Variants in COL23A1 observed in about 807,000 individuals in gnomAD.
The protein encoded by COL23A1 is collagen alpha-1(XXIII) chain.
COL23A1 carries 97 observed loss-of-function variants against 99.3 expected under a neutral mutation model. The observed-to-expected ratio is 0.98, with a 90% CI of 0.83 to 1.16. The LOEUF is 1.16. Among genes scored for constraint, COL23A1 ranks in the 50% most tolerant of loss-of-function variants. The pLI is 0.00. For missense variants in COL23A1, 762 were observed against 757.4 expected, an observed-to-expected ratio of 1.01 and a Z score of -0.07; for synonymous variants, 320 against 308.2, an observed-to-expected ratio of 1.04 and a Z score of -0.40.
At chr5:178,523,193 T>TACAC (rs1562051752) in intron 2 of COL23A1, among the ~76,000 whole-genome samples, 3 of 79,996 alleles carry the variant, frequency 3.8e-5, no homozygotes, top group Admixed American at 3.4e-4. Context: ...TATATATATA[T>TACAC]ATATATATAG....
At chr5:178,461,267 G>A (rs747419860) in intron 2 of COL23A1, among the ~76,000 whole-genome samples, 92 of 152,210 alleles carry the variant, frequency 6.0e-4, no homozygotes, top group Non-Finnish European at 1.3e-4. Context: ...GCCTGGCCAT[G>A]TCCTGGTGAC....
rs113159267 is a variant in COL23A1, at chr5:178,337,674, C to T, written c.362-30755G>A. Among the ~76,000 whole-genome samples the T allele has an allele frequency of 8.6e-3, 1,302 of 152,136 alleles. 20 individuals are homozygous for T. Among genetic ancestry groups the T allele is most frequent in the African/African-American group, 0.03 (1,239 of 41,484 alleles). On this transcript the variant is annotated intron_variant, in intron 2 of 28. Transcript: ENST00000390654. ...GGGACACTCAGGAGCCACTGCTCTC[C>T]CCGCCATCCAGGACTGCAGGCTTCC...
chr5:178,489,642 GA>G (rs1349912337), intron 2 of COL23A1, among the ~76,000 whole-genome samples: 1 of 152,182 alleles, frequency 6.6e-6, no homozygotes, highest in Non-Finnish European at 1.5e-5. Flanking sequence ...GATACCCAGA[GA>G]GGGGCTAGGA....
At chr5:178,349,934 T>C (rs1761223667) in intron 2 of COL23A1, among the ~76,000 whole-genome samples, 1 of 152,144 alleles carries the variant, frequency 6.6e-6, no homozygotes, top group Non-Finnish European at 1.5e-5. Flanking sequence ...TGGGCAGGAC[T>C]TGGGAAAATT....
chr5:178,312,367 C>A (rs555302127), intron 2 of COL23A1, among the ~76,000 whole-genome samples: 1 of 152,182 alleles, frequency 6.6e-6, no homozygotes, highest in Non-Finnish European at 1.5e-5. Context: ...AGCATCAGCA[C>A]AGTAAACAAC....
chr5:178,445,908 C>T (rs1457599109), intron 2 of COL23A1, among the ~76,000 whole-genome samples: 2 of 152,080 alleles, frequency 1.3e-5, no homozygotes, highest in Admixed American at 1.3e-4. Flanking sequence ...TAATATCTTC[C>T]ATGTGTAAAA....
At chr5:178,542,447 A>T (rs1225149589) in intron 2 of COL23A1, among the ~76,000 whole-genome samples, 1 of 152,174 alleles carries the variant, frequency 6.6e-6, no homozygotes, top group African/African-American at 2.4e-5. Flanking sequence ...CAGAATATTA[A>T]GTGTGTGAGG....
intron 2 of COL23A1, among the ~76,000 whole-genome samples, chr5:178,543,480 T>C (rs1002707408): frequency 6.6e-6 from 1 of 152,058 alleles, no homozygotes; most frequent in African/African-American, 2.4e-5. Context: ...ACTGGGGCCA[T>C]AGGGGTTCTT....
rs1210599792 is a variant in COL23A1 at position 178,367,249 on chromosome 5, C to T, written c.362-60330G>A. Reference sequence around the variant, plus strand: ...GATGATGTCCAGATGGGAGCTGCTGCGCTTAGTGCATTTTCTATCATTAAG... The same window carrying T: ...GATGATGTCCAGATGGGAGCTGCTGTGCTTAGTGCATTTTCTATCATTAAG... On this transcript the variant is annotated intron_variant, in intron 2 of 28. Coordinates refer to ENST00000390654, the MANE Select transcript of COL23A1 (RefSeq NM_173465.4). 2.6e-5 allele frequency among the ~76,000 whole-genome samples: 4 copies of T among 152,310 alleles called. No individual in the cohort carries two copies. In the East Asian group the frequency reaches 5.8e-4, roughly 22 times the overall value.
At position 178,384,305 on chromosome 5, in the gene COL23A1, C is replaced by T. The variant is rs952725738; in HGVS notation, c.362-77386G>A. Among the ~76,000 whole-genome samples the T allele has an allele frequency of 2.0e-5, 3 of 152,238 alleles. No homozygotes were observed. The highest frequency in any genetic ancestry group is 4.8e-5 in the African/African-American group (2 of 41,468). Reference sequence around the variant, plus strand: ...AAACCTGGATCCGGCGACGGAGGCCCGGCCTGGCCACTGCCTGGCGTTTTC... The same window carrying T: ...AAACCTGGATCCGGCGACGGAGGCCTGGCCTGGCCACTGCCTGGCGTTTTC... On this transcript the variant is annotated intron_variant, in intron 2 of 28. Coordinates refer to ENST00000390654, the MANE Select transcript of COL23A1 (RefSeq NM_173465.4). This position sits in a 1 kb window ranked among gnomAD's most constrained non-coding sequence, Gnocchi z 5.5.
At chr5:178,486,815 G>A (rs1275656477) in intron 2 of COL23A1, among the ~76,000 whole-genome samples, 3 of 152,222 alleles carry the variant, frequency 2.0e-5, no homozygotes, top group African/African-American at 7.2e-5. Context: ...AAGACTCACA[G>A]GAACCTACTG....
intron 2 of COL23A1, among the ~76,000 whole-genome samples, chr5:178,406,506 T>A (rs554681435): frequency 2.0e-5 from 3 of 151,370 alleles, no homozygotes; most frequent in Non-Finnish European, 4.4e-5. Context: ...CTCGGCTCAC[T>A]GCAATCTCCG....
At chr5:178,300,937 C>T (rs1758000057) in intron 3 of COL23A1, among the ~76,000 whole-genome samples, 1 of 152,092 alleles carries the variant, frequency 6.6e-6, no homozygotes, top group Non-Finnish European at 1.5e-5. Context: ...GTTTATCATC[C>T]TTGGAGTTTG....
chr5:178,354,297 C>T (rs755475524), intron 2 of COL23A1, among the ~76,000 whole-genome samples: 1 of 152,188 alleles, frequency 6.6e-6, no homozygotes, highest in African/African-American at 2.4e-5. Context: ...CAGCCTCCAA[C>T]TCCTGGGCTC....
chr5:178,347,753 C>T (rs1196132529), intron 2 of COL23A1, among the ~76,000 whole-genome samples: 32 of 151,438 alleles, frequency 2.1e-4, no homozygotes, highest in Middle Eastern at 3.4e-3. Context: ...CACTGGCGGG[C>T]GCCTATAATC....
Position 178,509,500 on chromosome 5 carries a change from C to T in COL23A1, c.361+51182G>A, listed in dbSNP as rs375077691. 2.4e-4 allele frequency among the ~76,000 whole-genome samples: 37 copies of T among 152,272 alleles called. 1 individual carries two copies. The highest frequency in any genetic ancestry group is 8.7e-4 in the African/African-American group (36 of 41,550). ...CCTCCCAAAGTGCTGGGATTACAGG[C>T]GTGAGCCACCGTGCCCGGCCAGAAC... On this transcript the variant is annotated intron_variant, in intron 2 of 28. Coordinates refer to ENST00000390654, the MANE Select transcript of COL23A1 (RefSeq NM_173465.4).
chr5:178,406,426 CTCTTT>C (rs2127773343), intron 2 of COL23A1, among the ~76,000 whole-genome samples: 1 of 131,514 alleles, frequency 7.6e-6, no homozygotes, highest in African/African-American at 2.7e-5. Flanking sequence ...CATACCTACA[CTCTTT>C]TTTTTTTTTT....
At chr5:178,513,936 T>C (rs1759361150) in intron 2 of COL23A1, among the ~76,000 whole-genome samples, 1 of 152,224 alleles carries the variant, frequency 6.6e-6, no homozygotes, top group Admixed American at 6.5e-5. Context: ...CATTTATAAT[T>C]GTCCGGGTCA....
intron 2 of COL23A1, among the ~76,000 whole-genome samples, chr5:178,341,934 C>T (rs1048478015): frequency 3.3e-5 from 5 of 152,224 alleles, no homozygotes; most frequent in African/African-American, 1.2e-4. Context: ...GCCACCCTCG[C>T]TCTCACCCGG....
Sources: gnomAD v4.1 joint callset for allele counts (sites outside exome capture counted in the v4.1 genomes callset) on GRCh38, gnomAD v4.1.1 for gene constraint, Gnocchi (gnomAD v3.1) non-coding constraint, MANE v1.5 for transcripts, NCBI Gene and HGNC (gene_info 2026-07-23, HGNC 2026-07-21) for gene names.